The following NELL1 variants were observed in gnomAD, a reference collection of about 807,000 sequenced individuals.
NELL1 encodes the protein neural EGFL like 1.
NELL1 carries 76 observed loss-of-function variants against 107.4 expected under a neutral mutation model. That is an observed-to-expected ratio of 0.71 (90% CI 0.59 to 0.86). The LOEUF is 0.86. Ranked by LOEUF, NELL1 falls within the 40% of genes least tolerant of loss-of-function variation. The pLI, the probability that NELL1 is intolerant of heterozygous loss-of-function variation, is 0.00. For synonymous variants in NELL1, 353 were observed against 341.2 expected (o/e 1.03, Z -0.38); for missense variants, 1,024 against 1,005.5 (o/e 1.02, Z -0.25).
Position 20,719,524 on chromosome 11 carries a change from C to G in NELL1, c.184+41464C>G, listed in dbSNP as rs114583891. Reference sequence around the variant, plus strand: ...AGAAAAAATTTGTGATTTAATGGAACAGACATTACAAGGATCCTTACCTTA... The same window carrying G: ...AGAAAAAATTTGTGATTTAATGGAAGAGACATTACAAGGATCCTTACCTTA... On this transcript the variant is annotated intron_variant, in intron 2 of 19. Transcript: ENST00000357134. Among the ~76,000 whole-genome samples, 1,208 of 152,212 alleles carry G rather than the reference C, an allele frequency of 7.9e-3. 18 individuals are homozygous for G. The highest frequency in any genetic ancestry group is 0.028 in the African/African-American group (1,154 of 41,534).
At chr11:20,675,309 G>T (rs1854026061) in intron 1 of NELL1, among the ~76,000 whole-genome samples, 1 of 152,188 alleles carries the variant, frequency 6.6e-6, no homozygotes, top group Admixed American at 6.5e-5. Flanking sequence ...GATATGAGAG[G>T]GGTAAAGATT....
At chr11:21,434,385 C>T (rs1177708344) in intron 15 of NELL1, among the ~76,000 whole-genome samples, 2 of 151,878 alleles carry the variant, frequency 1.3e-5, no homozygotes, top group Non-Finnish European at 2.9e-5. Context: ...AGATATGGGG[C>T]TCTAGTTTCA....
Position 21,237,421 on chromosome 11 carries a change from C to G in NELL1, c.1549+7967C>G, listed in dbSNP as rs11826195. Among the ~76,000 whole-genome samples the G allele has an allele frequency of 6.2e-3, 942 of 152,148 alleles. 10 individuals carry two copies. The highest frequency in any genetic ancestry group is 0.021 in the African/African-American group (887 of 41,530). On this transcript the variant is annotated intron_variant, in intron 14 of 19. Transcript: ENST00000357134. ...GGTTCTAGATTTATTTTCAAGTATCCCTTTTCCACAAAACTGAATGAGTCT... is the reference window on the plus strand; with the variant it reads ...GGTTCTAGATTTATTTTCAAGTATCGCTTTTCCACAAAACTGAATGAGTCT...
chr11:20,701,649 A>G (rs1009611534), intron 2 of NELL1, among the ~76,000 whole-genome samples: 6 of 152,144 alleles, frequency 3.9e-5, no homozygotes, highest in Admixed American at 1.3e-4. Flanking sequence ...TAGGTCTAAC[A>G]TTTAAGTCTT....
chr11:20,958,648 A>C (rs1399439820), intron 11 of NELL1, among the ~76,000 whole-genome samples: 1 of 152,234 alleles, frequency 6.6e-6, no homozygotes, highest in African/African-American at 2.4e-5. Context: ...ATTTAGACAA[A>C]TTGAAATTGA....
intron 16 of NELL1, among the ~76,000 whole-genome samples, chr11:21,537,769 CTG>C (rs905158330): frequency 6.6e-6 from 1 of 152,064 alleles, no homozygotes; most frequent in Non-Finnish European, 1.5e-5. Context: ...ATGTTCAAAA[CTG>C]TATCAAATCA....
chr11:21,202,101 A>G (rs187373329), intron 13 of NELL1, among the ~76,000 whole-genome samples: 375 of 152,072 alleles, frequency 2.5e-3, no homozygotes, highest in African/African-American at 8.0e-3. Flanking sequence ...TTTTTGTTGT[A>G]TCTCTGCCAG....
intron 7 of NELL1, among the ~76,000 whole-genome samples, chr11:20,924,724 A>G (rs977932956): frequency 6.6e-6 from 1 of 152,152 alleles, no homozygotes; most frequent in African/African-American, 2.4e-5. Flanking sequence ...CAATTCTGAG[A>G]CCCTTTTAGG....
intron 15 of NELL1, 91 bp downstream of exon 15, chr11:21,371,039 C>T: frequency 2.0e-6 from 2 of 984,844 alleles, no homozygotes; most frequent in South Asian, 1.5e-5. Flanking sequence ...AGAAATAATA[C>T]TGTGGGTTGA....
intron 14 of NELL1, among the ~76,000 whole-genome samples, chr11:21,282,264 A>G (rs1192240334): frequency 6.6e-6 from 1 of 152,202 alleles, no homozygotes; most frequent in Non-Finnish European, 1.5e-5. Flanking sequence ...ATCACTGATC[A>G]TCAGAGAAAT....
At chr11:20,895,399 T>C (rs1477812153) in intron 5 of NELL1, among the ~76,000 whole-genome samples, 1 of 146,580 alleles carries the variant, frequency 6.8e-6, no homozygotes, top group Non-Finnish European at 1.5e-5. Flanking sequence ...CATTCACCCT[T>C]CCCAGTCTCT....
intron 15 of NELL1, among the ~76,000 whole-genome samples, chr11:21,499,348 A>G (rs754085187): frequency 2.0e-5 from 3 of 152,012 alleles, no homozygotes; most frequent in Non-Finnish European, 4.4e-5. Flanking sequence ...TAATGCTTCT[A>G]TTATTTTCAC....
At chr11:21,281,561 G>C (rs528759003) in intron 14 of NELL1, among the ~76,000 whole-genome samples, 2 of 151,852 alleles carry the variant, frequency 1.3e-5, no homozygotes, top group Non-Finnish European at 2.9e-5. Flanking sequence ...AGTGAACTTA[G>C]GGGGTAGCCA....
chr11:20,996,431 C>A (rs549874161), intron 12 of NELL1, among the ~76,000 whole-genome samples: 5 of 152,150 alleles, frequency 3.3e-5, no homozygotes, highest in Admixed American at 6.5e-5. Flanking sequence ...CTATCTTAAC[C>A]ACTATGCTCC....
chr11:21,351,223 A>G (rs546426372), intron 14 of NELL1, among the ~76,000 whole-genome samples: 12 of 152,214 alleles, frequency 7.9e-5, no homozygotes, highest in East Asian at 3.9e-4. Flanking sequence ...AGATCCTCCA[A>G]TGTGAACCTA....
chr11:20,940,064 C>A lies in NELL1; in HGVS notation c.1071+2205C>A, dbSNP rs79005114. On this transcript the variant is annotated intron_variant, in intron 10 of 19. Transcript: ENST00000357134. ...TCCTATGAAGGCTTGACATGGCTGG[C>A]TATCAAAGATGGCTTCTTTACTTTT... 4.7e-3 allele frequency among the ~76,000 whole-genome samples: 719 copies of A among 152,266 alleles called. 5 individuals are homozygous for A. The highest frequency in any genetic ancestry group is 0.016 in the African/African-American group (680 of 41,546).
chr11:20,989,644 C>A (rs1851928336), intron 12 of NELL1, among the ~76,000 whole-genome samples: 1 of 152,080 alleles, frequency 6.6e-6, no homozygotes, highest in Non-Finnish European at 1.5e-5. Context: ...TCAACTATTC[C>A]CTTGACAACA....
chr11:21,389,534 G>T lies in NELL1; in HGVS notation c.1645+18586G>T, dbSNP rs571945547. On this transcript the variant is annotated intron_variant, in intron 15 of 19. Coordinates refer to ENST00000357134, the MANE Select transcript of NELL1 (RefSeq NM_006157.5). ...TACAGAAAGAGGGAAAAGCAGGTCT[G>T]GAAAACTCACAAAAAGTTAACAAAC... 4.0e-5 allele frequency among the ~76,000 whole-genome samples: 6 copies of T among 151,778 alleles called. No homozygotes were observed. The East Asian group carries it at 1.2e-3, about 30-fold the overall frequency.
At chr11:20,976,162 C>CATATATGT (rs1564995998) in intron 12 of NELL1, among the ~76,000 whole-genome samples, 37 of 106,778 alleles carry the variant, frequency 3.5e-4, no homozygotes, top group South Asian at 8.9e-4. Context: ...TATATACACA[C>CATATATGT]ATTATATCTG....
Sources: gnomAD v4.1 joint callset for allele counts (sites outside exome capture counted in the v4.1 genomes callset) on GRCh38, gnomAD v4.1.1 for gene constraint, MANE v1.5 for transcripts, NCBI Gene and HGNC (gene_info 2026-07-23, HGNC 2026-07-21) for gene names.